MRC1: variants seen among roughly 807,000 people sequenced by gnomAD.
MRC1 encodes the protein macrophage mannose receptor 1.
In MRC1, 62 loss-of-function variants were observed where a neutral mutation model predicts 102.9. The ratio of observed to expected loss-of-function variants is 0.60; its 90% CI spans 0.49 to 0.74. The LOEUF is 0.74. Ranked by LOEUF, MRC1 falls within the 30% of genes least tolerant of loss-of-function variation. The pLI is 0.00. For missense variants in MRC1, 1,237 were observed against 862.8 expected (o/e 1.43, Z -5.43); for synonymous variants, 457 against 298.4 (o/e 1.53, Z -5.48).
At chr10:17,896,790 T>C (rs947327359) in intron 23 of MRC1, among the ~76,000 whole-genome samples, 5 of 151,798 alleles carry the variant, frequency 3.3e-5, no homozygotes, top group Admixed American at 6.6e-5. Context: ...TAAAATGAAA[T>C]GAAATGAAAC....
At chr10:17,818,296 A>C (rs1002724815) in intron 1 of MRC1, among the ~76,000 whole-genome samples, 4 of 152,228 alleles carry the variant, frequency 2.6e-5, no homozygotes, top group African/African-American at 7.2e-5. Context: ...CATTCATTCA[A>C]CTAATTATTT....
At chr10:17,821,701 C>T (rs945400612) in intron 1 of MRC1, among the ~76,000 whole-genome samples, 3 of 152,070 alleles carry the variant, frequency 2.0e-5, no homozygotes, top group Non-Finnish European at 4.4e-5. Flanking sequence ...TGGTGCTAAC[C>T]TCCCTGGGGT....
chr10:17,883,786 G>A (rs1251566545), intron 21 of MRC1, among the ~76,000 whole-genome samples: 3 of 152,326 alleles, frequency 2.0e-5, no homozygotes, highest in Non-Finnish European at 4.4e-5. Flanking sequence ...TCAGGTGGTG[G>A]TGTTGGCCCC....
At chr10:17,816,359 G>T (rs542834355) in intron 1 of MRC1, among the ~76,000 whole-genome samples, 2,036 of 152,294 alleles carry the variant, frequency 0.013, 51 homozygotes, top group Middle Eastern at 0.078. Context: ...ACAGGGTAAC[G>T]GGGAAGTGAG....
At chr10:17,888,260 T>TG (rs1370117172) in intron 22 of MRC1, among the ~76,000 whole-genome samples, 6 of 152,100 alleles carry the variant, frequency 3.9e-5, no homozygotes, top group African/African-American at 1.4e-4. Flanking sequence ...GCCAGGATAA[T>TG]GGGGGGTAAA....
intron 11 of MRC1, among the ~76,000 whole-genome samples, chr10:17,866,323 C>T (rs1456338466): frequency 4.8e-5 from 6 of 124,042 alleles, no homozygotes; most frequent in African/African-American, 1.6e-4. Context: ...GAGAGAGAAG[C>T]AGTAAACTAT....
intron 4 of MRC1, among the ~76,000 whole-genome samples, chr10:17,834,534 T>A (rs1554839322): frequency 1.3e-5 from 2 of 152,100 alleles, no homozygotes; most frequent in African/African-American, 2.4e-5. Context: ...TGCCTCAGCC[T>A]CCCACGTAGC....
intron 28 of MRC1, among the ~76,000 whole-genome samples, chr10:17,908,191 ATCT>A (rs1833921839): frequency 6.6e-6 from 1 of 152,210 alleles, no homozygotes; most frequent in Non-Finnish European, 1.5e-5. Flanking sequence ...AGGTGCCTCT[ATCT>A]GGAATTTAAA....
intron 9 of MRC1, among the ~76,000 whole-genome samples, chr10:17,857,495 T>G (rs1833110362): frequency 6.6e-6 from 1 of 152,216 alleles, no homozygotes; most frequent in Non-Finnish European, 1.5e-5. Context: ...ATAATCCTGT[T>G]TAATCATTAG....
chr10:17,893,162 T>A, intron 22 of MRC1, among the ~76,000 whole-genome samples: 1 of 139,228 alleles, frequency 7.2e-6, no homozygotes, highest in African/African-American at 2.6e-5. Context: ...CCTCCCTTTC[T>A]TCCTTCCTTC....
intron 11 of MRC1, among the ~76,000 whole-genome samples, chr10:17,865,230 C>T (rs1809239565): frequency 6.6e-6 from 1 of 152,192 alleles, no homozygotes; most frequent in Admixed American, 6.5e-5. Flanking sequence ...CTGTAATTTG[C>T]ATTCTCACCT....
chr10:17,848,754 T>G (rs1043726989), intron 6 of MRC1, among the ~76,000 whole-genome samples: 5 of 152,212 alleles, frequency 3.3e-5, no homozygotes, highest in Non-Finnish European at 5.9e-5. Context: ...AATTCAGGTT[T>G]TAGGAGTTAT....
At chr10:17,815,380 G>A (rs1356456354) in intron 1 of MRC1, among the ~76,000 whole-genome samples, 5 of 152,214 alleles carry the variant, frequency 3.3e-5, no homozygotes, top group African/African-American at 1.2e-4. Flanking sequence ...GAGCAGTGTG[G>A]TGTCAGCTTC....
chr10:17,851,570 G>A (rs45499503), intron 7 of MRC1, among the ~76,000 whole-genome samples: 16,398 of 152,190 alleles, frequency 0.11, 1,090 homozygotes, highest in Non-Finnish European at 0.16. Context: ...TCAAGATTGT[G>A]CTTAGGAATT....
chr10:17,850,702 G>A (rs1838901682), intron 7 of MRC1, among the ~76,000 whole-genome samples: 1 of 152,088 alleles, frequency 6.6e-6, no homozygotes, highest in African/African-American at 2.4e-5. Context: ...CAAAACAAGA[G>A]GAAATGGATG....
intron 10 of MRC1, 63 bp downstream of exon 10, chr10:17,861,565 C>A: frequency 2.6e-6 from 2 of 775,212 alleles, no homozygotes; most frequent in Non-Finnish European, 4.7e-6. Flanking sequence ...CAGAAAAGCC[C>A]AAGTATCAAC....
Position 17,872,229 on chromosome 10 carries a change from A to C in MRC1, c.2344+103A>C, listed in dbSNP as rs35710519. On this transcript the variant is annotated intron_variant, in intron 15 of 29. Coordinates refer to ENST00000569591, the MANE Select transcript of MRC1 (RefSeq NM_002438.4). ...CAGAAGCAAACAAACAAAATAACAA[A>C]ATCAGGAAACTGTCAGTGGCCATCA... 3,576 of 775,130 alleles carry C rather than the reference A, an allele frequency of 4.6e-3. 18 individuals carry two copies. Among genetic ancestry groups the C allele is most frequent in the East Asian group, 9.1e-3 (374 of 41,146 alleles). 48.0% of individuals were successfully genotyped at this position (775,130 alleles called of 1,614,324 possible).
chr10:17,894,240 T>C lies in MRC1; in HGVS notation c.3178T>C (p.Ser1060Pro). 1.1e-6 allele frequency: 1 copy of C among 872,594 alleles called. No homozygotes were observed. The highest frequency in any genetic ancestry group is 1.7e-5 in the Admixed American group (1 of 59,156). The allele number at this position is 872,594 out of a possible 1,614,324, so 54.1% of individuals were successfully genotyped here. The stretch of plus-strand genomic sequence containing the variant: ...CTGTGTTGTTATTATTGGAGGTGCA[T>C]CAAATGAAGCAGGAAAATGGATGGA... Reference protein sequence around the residue: ...ADCVVIIGGASNEAGKWMDDT... With the variant: ...ADCVVIIGGAPNEAGKWMDDT... The change falls in exon 23 of 30, where the codon TCA becomes CCA. Residue 1060 changes from serine (S) to proline (P), a missense_variant. Transcript: ENST00000569591.
chr10:17,859,507 G>A (rs904303478), intron 9 of MRC1, among the ~76,000 whole-genome samples: 3 of 152,024 alleles, frequency 2.0e-5, no homozygotes, highest in Non-Finnish European at 4.4e-5. Context: ...CAGTCAAGAC[G>A]GGGTTTCACC....
Sources: allele counts gnomAD v4.1 joint callset (sites outside exome capture counted in the v4.1 genomes callset), GRCh38; gene constraint gnomAD v4.1.1; transcripts MANE v1.5; gene names NCBI Gene and HGNC (gene_info 2026-07-23, HGNC 2026-07-21).